Variants in SH3RF2 observed in about 807,000 individuals in gnomAD.
SH3RF2 encodes the protein E3 ubiquitin-protein ligase SH3RF2.
Under a neutral mutation model 59.0 loss-of-function variants are expected in SH3RF2, and 43 were observed. The observed-to-expected ratio is 0.73, with a 90% CI of 0.57 to 0.94. The LOEUF (loss-of-function observed/expected upper bound fraction) is 0.94. Among genes scored for constraint, SH3RF2 ranks in the 40% least tolerant of loss-of-function variants. The pLI is 0.00. For synonymous variants in SH3RF2, 391 were observed against 391.5 expected (o/e 1.00, Z 0.01); for missense variants, 930 against 940.1 (o/e 0.99, Z 0.14).
At chr5:145,962,577 CT>C (rs1554110728) in intron 2 of SH3RF2, among the ~76,000 whole-genome samples, 1 of 152,214 alleles carries the variant, frequency 6.6e-6, no homozygotes, top group Non-Finnish European at 1.5e-5. Flanking sequence ...TTCTGTCCCC[CT>C]CTTCAGTTCC....
chr5:145,958,183 G>A (rs1014215009), intron 2 of SH3RF2, among the ~76,000 whole-genome samples: 4 of 152,092 alleles, frequency 2.6e-5, no homozygotes, highest in African/African-American at 9.6e-5. Flanking sequence ...TCACATGCTC[G>A]ATGTCACTAG....
At chr5:145,992,007 C>T (rs745612132) in intron 2 of SH3RF2, among the ~76,000 whole-genome samples, 2 of 152,070 alleles carry the variant, frequency 1.3e-5, no homozygotes, top group Non-Finnish European at 2.9e-5. Context: ...TCAAATCAGT[C>T]AGGGGTGGGA....
intron 2 of SH3RF2, among the ~76,000 whole-genome samples, chr5:145,956,857 T>A (rs1257300143): frequency 1.3e-5 from 2 of 152,212 alleles, no homozygotes; most frequent in African/African-American, 4.8e-5. Context: ...TTACTTCAGA[T>A]GGCTTCAGTA....
intron 5 of SH3RF2, among the ~76,000 whole-genome samples, chr5:146,035,223 A>G (rs1297695366): frequency 6.6e-6 from 1 of 152,188 alleles, no homozygotes; most frequent in Non-Finnish European, 1.5e-5. Flanking sequence ...ATCATTTGAG[A>G]AAATTTTAAA....
chr5:145,946,429 T>C (rs1464049103), intron 2 of SH3RF2, among the ~76,000 whole-genome samples: 1 of 152,196 alleles, frequency 6.6e-6, no homozygotes, highest in Non-Finnish European at 1.5e-5. Context: ...ATCATGCCTG[T>C]GGTAGACCTC....
chr5:146,008,560 T>C (rs969522865), intron 4 of SH3RF2, among the ~76,000 whole-genome samples: 3 of 152,172 alleles, frequency 2.0e-5, no homozygotes, highest in African/African-American at 7.2e-5. Context: ...ACAATTTCAA[T>C]AACTTCCTAA....
At chr5:146,023,556 C>T (rs753759319) in intron 5 of SH3RF2, among the ~76,000 whole-genome samples, 1 of 152,126 alleles carries the variant, frequency 6.6e-6, no homozygotes, top group Non-Finnish European at 1.5e-5. Flanking sequence ...TTGAAAGCTT[C>T]GGGCTCAATT....
chr5:146,048,323 A>AAC (rs200623193), intron 6 of SH3RF2, among the ~76,000 whole-genome samples: 2 of 152,022 alleles, frequency 1.3e-5, no homozygotes, highest in East Asian at 3.9e-4. Context: ...TCAAAAAAAA[A>AAC]AAAAGACAAC....
intron 5 of SH3RF2, among the ~76,000 whole-genome samples, chr5:146,047,206 T>C (rs1181033981): frequency 1.4e-5 from 2 of 145,704 alleles, no homozygotes; most frequent in Admixed American, 1.4e-4. Flanking sequence ...AATAAGAATA[T>C]GGGCTCAGAA....
At chr5:146,069,044 G>A (rs976247713) in intron 9 of SH3RF2, among the ~76,000 whole-genome samples, 6 of 151,860 alleles carry the variant, frequency 4.0e-5, no homozygotes, top group East Asian at 1.9e-4. Flanking sequence ...TATCCTTCCC[G>A]TGTAATTCTC....
At chr5:146,017,477 T>C (rs1668286388) in intron 5 of SH3RF2, among the ~76,000 whole-genome samples, 2 of 152,020 alleles carry the variant, frequency 1.3e-5, no homozygotes, top group African/African-American at 4.8e-5. Flanking sequence ...CAGTGAAGCA[T>C]TCTTGTTTTC....
At chr5:146,036,865 A>T (rs1418770404) in intron 5 of SH3RF2, among the ~76,000 whole-genome samples, 7 of 152,238 alleles carry the variant, frequency 4.6e-5, no homozygotes, top group Admixed American at 4.6e-4. Context: ...TGGAAGCCTC[A>T]GGATCCATGA....
chr5:145,944,218 G>T (rs1023031875), intron 2 of SH3RF2, among the ~76,000 whole-genome samples: 1 of 151,800 alleles, frequency 6.6e-6, no homozygotes, highest in Non-Finnish European at 1.5e-5. Context: ...TTTCAATTTG[G>T]GATGCTCAAC....
At chr5:146,044,922 T>C (rs920065749) in intron 5 of SH3RF2, among the ~76,000 whole-genome samples, 2 of 152,208 alleles carry the variant, frequency 1.3e-5, no homozygotes, top group African/African-American at 4.8e-5. Flanking sequence ...GGGGGAAACA[T>C]GCCCTCCCCA....
chr5:145,962,590 G>C (rs189435678), intron 2 of SH3RF2, among the ~76,000 whole-genome samples: 196 of 152,194 alleles, frequency 1.3e-3, no homozygotes, highest in African/African-American at 4.6e-3. Context: ...TTCAGTTCCT[G>C]CAGCAGGACT....
intron 2 of SH3RF2, among the ~76,000 whole-genome samples, chr5:145,981,111 T>C (rs1426754383): frequency 6.6e-6 from 1 of 152,158 alleles, no homozygotes; most frequent in Non-Finnish European, 1.5e-5. Flanking sequence ...TTTTCTTTTT[T>C]TGAGGCAGGG....
chr5:146,011,254 C>T (rs1379273849), intron 4 of SH3RF2, among the ~76,000 whole-genome samples: 1 of 152,124 alleles, frequency 6.6e-6, no homozygotes. Context: ...TGTTTAGGTA[C>T]CAGTACCATG....
intron 5 of SH3RF2, among the ~76,000 whole-genome samples, chr5:146,015,984 C>T (rs975865264): frequency 6.6e-6 from 1 of 152,158 alleles, no homozygotes; most frequent in African/African-American, 2.4e-5. Flanking sequence ...TTTTCTCTAA[C>T]ATTCTTGAGA....
intron 5 of SH3RF2, among the ~76,000 whole-genome samples, chr5:146,045,269 TAA>T (rs1762263776): frequency 6.6e-6 from 1 of 152,228 alleles, no homozygotes; most frequent in South Asian, 2.1e-4. Context: ...TATGCAGTGC[TAA>T]GAGTTCCTCA....
Sources: allele counts gnomAD v4.1 joint callset (sites outside exome capture counted in the v4.1 genomes callset), GRCh38; gene constraint gnomAD v4.1.1; transcripts MANE v1.5; gene names NCBI Gene and HGNC (gene_info 2026-07-23, HGNC 2026-07-21).